The following PITRM1 variants were observed in gnomAD, a reference collection of about 807,000 sequenced individuals.
PITRM1 encodes presequence protease, mitochondrial.
PITRM1 carries 100 observed loss-of-function variants against 129.9 expected under a neutral mutation model. The ratio of observed to expected loss-of-function variants is 0.77; its 90% CI spans 0.65 to 0.91. PITRM1 has a LOEUF of 0.91. Among genes scored for constraint, PITRM1 ranks in the 40% least tolerant of loss-of-function variants. The pLI, the probability that PITRM1 is intolerant of heterozygous loss-of-function variation, is 0.00. For synonymous variants in PITRM1, 591 were observed against 508.8 expected, an observed-to-expected ratio of 1.16 and a Z score of -2.17; for missense variants, 1,471 against 1,318.3, an observed-to-expected ratio of 1.12 and a Z score of -1.79.
chr10:3,148,311 T>A lies in PITRM1; in HGVS notation c.1872-20A>T, dbSNP rs1318129307. On this transcript the variant is annotated intron_variant, in intron 16 of 26. Coordinates refer to ENST00000224949, the MANE Select transcript of PITRM1 (RefSeq NM_014889.4). ...CCCAGCCTGACACAGCAGAGAAGCA[T>A]CGCCCCGATTACAAGTCAGTCTTTA... is the stretch of plus-strand genomic sequence containing the variant. 1.9e-6 allele frequency: 3 copies of A among 1,578,538 alleles called. No homozygotes were observed. The highest frequency in any genetic ancestry group is 2.6e-6 in the Non-Finnish European group (3 of 1,163,076).
At chr10:3,141,434 G>T (rs941452886) in intron 23 of PITRM1, 3 of 222,064 alleles carry the variant, frequency 1.4e-5, no homozygotes, top group African/African-American at 2.3e-5. Flanking sequence ...ATGAGCAAAT[G>T]AACATTTATT....
intron 1 of PITRM1, among the ~76,000 whole-genome samples, chr10:3,171,047 CACAG>C (rs1564443969): frequency 6.7e-6 from 1 of 149,800 alleles, no homozygotes; most frequent in East Asian, 2.0e-4. Context: ...CCCCAGCACT[CACAG>C]ACAAAAATGT....
At chr10:3,168,158 A>G (rs1342234984) in intron 2 of PITRM1, among the ~76,000 whole-genome samples, 1 of 152,076 alleles carries the variant, frequency 6.6e-6, no homozygotes, top group Non-Finnish European at 1.5e-5. Flanking sequence ...TCGCTGGCCA[A>G]GGTCAGACCT....
chr10:3,160,460 C>G (rs1254308016), intron 7 of PITRM1, 130 bp from the exon 8 acceptor site: 3 of 697,672 alleles, frequency 4.3e-6, no homozygotes, highest in Non-Finnish European at 4.8e-6. Context: ...TTTCAGTCAC[C>G]CTTACTCAAC....
intron 24 of PITRM1, 75 bp from the exon 25 acceptor site, chr10:3,139,124 A>C: frequency 3.9e-6 from 5 of 1,272,880 alleles, no homozygotes; most frequent in Non-Finnish European, 4.5e-6. Context: ...TGTCGACTTA[A>C]CAGTTCAACA....
chr10:3,148,533 C>T, intron 16 of PITRM1: 7 of 479,788 alleles, frequency 1.5e-5, no homozygotes, highest in Non-Finnish European at 2.6e-5. Flanking sequence ...TCCAGAGGCA[C>T]AAGACACTTG....
chr10:3,145,559 C>A, intron 21 of PITRM1, 37 bp downstream of exon 21: 3 of 1,538,984 alleles, frequency 1.9e-6, no homozygotes, highest in Non-Finnish European at 2.6e-6. Context: ...TGGCACCCAC[C>A]AGGCGCTCAC....
chr10:3,151,210 AC>A (rs767027354), intron 15 of PITRM1, 36 bp downstream of exon 15: 2 of 1,147,696 alleles, frequency 1.7e-6, no homozygotes, highest in Non-Finnish European at 2.6e-6. Flanking sequence ...CCCCCAAGGA[AC>A]CCGAGACCCG....
intron 16 of PITRM1, chr10:3,148,534 A>C (rs759126758): frequency 3.1e-5 from 15 of 478,258 alleles, no homozygotes; most frequent in Non-Finnish European, 5.6e-5. Flanking sequence ...CCAGAGGCAC[A>C]AGACACTTGG....
intron 25 of PITRM1, 60 bp from the exon 26 acceptor site, chr10:3,138,397 T>C: frequency 1.8e-6 from 2 of 1,110,096 alleles, no homozygotes; most frequent in South Asian, 1.2e-5. Flanking sequence ...TTGTGGGCTG[T>C]GCACTCATGT....
Position 3,148,226 on chromosome 10 carries a change from A to G in PITRM1, c.1937T>C (p.Met646Thr), listed in dbSNP as rs757224283. Residue 646 changes from methionine (M) to threonine (T), a missense_variant, in exon 17 of 27, where the codon ATG (methionine) becomes ACG (threonine). Coordinates refer to ENST00000224949, the MANE Select transcript of PITRM1 (RefSeq NM_014889.4). ...AQQIELKTGG[M>T]SASPHVLPDD... is the part of the protein sequence containing the mutation. Reference sequence around the variant, plus strand: ...GGGGAGCACGTGGGGAGAAGCACTCATCCCTCCGGTCTTCAATTCTATCTG... The same window carrying G: ...GGGGAGCACGTGGGGAGAAGCACTCGTCCCTCCGGTCTTCAATTCTATCTG... 6.2e-6 allele frequency: 10 copies of G among 1,613,868 alleles called. No individual in the cohort carries two copies. In the East Asian group the frequency reaches 1.6e-4, roughly 25 times the overall value.
At position 3,149,727 on chromosome 10, in the gene PITRM1, C is replaced by T. The variant is rs368479367; in HGVS notation, c.1765G>A (p.Ala589Thr). 4.4e-5 allele frequency: 71 copies of T among 1,612,694 alleles called. No homozygotes were observed. The highest frequency in any genetic ancestry group is 5.2e-5 in the Non-Finnish European group (61 of 1,179,584). ...TAGDIPVQYC[A>T]QPTNGMVYFR... ...TACACCATGCCATTGGTGGGCTGGG[C>T]GCAGTACTGAACAGGGATATCTCCA... is the stretch of plus-strand genomic sequence containing the variant. The change falls in exon 16 of 27, where the codon GCC becomes ACC. Residue 589 changes from alanine (A) to threonine (T), a missense_variant. Ala to Thr is a moderately conservative substitution (Grantham distance 58). Transcript: ENST00000224949.
At position 3,158,141 on chromosome 10, in the gene PITRM1, G is replaced by A; in HGVS notation, c.1149C>T (p.Tyr383=). The stretch of plus-strand genomic sequence containing the variant: ...CGACACTAAAGTAGGCCTCCCTCGT[G>A]TAGCCATTATATCTAGAAGACAAAA... ...DFSPDVGYNG[Y]TREAYFSVGL... is the part of the protein sequence containing the mutation. Residue 383 remains tyrosine (Y), a synonymous_variant, in exon 11 of 27, where the codon TAC becomes TAT. Transcript: ENST00000224949. The A allele has an allele frequency of 6.3e-7, 1 of 1,592,212 alleles. No homozygotes were observed. The highest frequency in any genetic ancestry group is 8.6e-7 in the Non-Finnish European group (1 of 1,162,528).
chr10:3,147,802 A>C, intron 18 of PITRM1, 65 bp from the exon 19 acceptor site: 1 of 1,439,692 alleles, frequency 6.9e-7, no homozygotes, highest in Non-Finnish European at 9.4e-7. Flanking sequence ...AGTATCATGG[A>C]AAGTTGATTA....
chr10:3,140,562 AAAG>A (rs1840083303), intron 24 of PITRM1, 122 bp downstream of exon 24: 1 of 873,510 alleles, frequency 1.1e-6, no homozygotes, highest in Non-Finnish European at 1.8e-6. Flanking sequence ...CAAGGAGTGA[AAAG>A]AAGCACACAG....
intron 1 of PITRM1, among the ~76,000 whole-genome samples, chr10:3,171,825 G>A (rs949658137): frequency 1.3e-5 from 2 of 152,190 alleles, no homozygotes; most frequent in African/African-American, 4.8e-5. Context: ...GATCAAACCA[G>A]CCTGGGAAAC....
At chr10:3,163,651 G>A (rs1288709704) in intron 7 of PITRM1, 74 bp downstream of exon 7, 43 of 1,226,236 alleles carry the variant, frequency 3.5e-5, no homozygotes, top group Non-Finnish European at 4.8e-5. Flanking sequence ...GAGAAGCCAT[G>A]CCATAAACTG....
chr10:3,144,558 C>T (rs540330513), intron 21 of PITRM1, among the ~76,000 whole-genome samples, 192 bp from the exon 22 acceptor site: 5 of 152,322 alleles, frequency 3.3e-5, no homozygotes, highest in African/African-American at 1.2e-4. Context: ...AATGCCAGCA[C>T]TTTGGAGGCT....
intron 21 of PITRM1, 39 bp downstream of exon 21, chr10:3,145,557 A>G (rs3758632): frequency 0.71 from 1,088,575 of 1,535,652 alleles, 386,582 homozygotes; most frequent in East Asian, 0.75. Context: ...TCTGGCACCC[A>G]CCAGGCGCTC....
Sources: gnomAD v4.1 joint callset for allele counts (sites outside exome capture counted in the v4.1 genomes callset) on GRCh38, gnomAD v4.1.1 for gene constraint, MANE v1.5 for transcripts, NCBI Gene and HGNC (gene_info 2026-07-23, HGNC 2026-07-21) for gene names.